Variants in ABTB3 observed in about 807,000 individuals in gnomAD.
ABTB3 encodes ankyrin repeat and BTB domain containing 3, also known as ankyrin repeat- and BTB/POZ domain-containing protein 3.
At chr12:107,652,858 A>G in the ABTB3 span, among the ~76,000 whole-genome samples, 1 of 152,360 alleles carries the variant, frequency 6.6e-6, no homozygotes, top group Middle Eastern at 3.4e-3. Context: ...CAGTTCCAGC[A>G]GGAAACAATA....
chr12:107,570,368 C>A, the ABTB3 span, among the ~76,000 whole-genome samples: 1 of 152,184 alleles, frequency 6.6e-6, no homozygotes, highest in African/African-American at 2.4e-5. Context: ...CACACGCCAC[C>A]ACACCCAGCT....
At chr12:107,600,536 A>G in the ABTB3 span, among the ~76,000 whole-genome samples, 2 of 152,202 alleles carry the variant, frequency 1.3e-5, no homozygotes, top group Admixed American at 6.5e-5. Context: ...AACCCAAACC[A>G]CAATTCCCAG....
At chr12:107,505,360 A>G in the ABTB3 span, among the ~76,000 whole-genome samples, 2 of 152,216 alleles carry the variant, frequency 1.3e-5, no homozygotes, top group Non-Finnish European at 2.9e-5. Context: ...ATAATTAAGC[A>G]GTGTGATTCT....
chr12:107,375,036 GAA>G, the ABTB3 span, among the ~76,000 whole-genome samples: 1 of 152,160 alleles, frequency 6.6e-6, no homozygotes, highest in African/African-American at 2.4e-5. Flanking sequence ...AACACACAGA[GAA>G]AACATTTAGC....
At chr12:107,583,759 A>G in the ABTB3 span, among the ~76,000 whole-genome samples, 1 of 152,220 alleles carries the variant, frequency 6.6e-6, no homozygotes, top group African/African-American at 2.4e-5. Flanking sequence ...TTGAAGCCTC[A>G]GCCCTGGCAT....
the ABTB3 span, among the ~76,000 whole-genome samples, chr12:107,407,393 CCAGGCT>C: frequency 5.9e-5 from 9 of 152,268 alleles, no homozygotes; most frequent in East Asian, 1.7e-3. Context: ...CTGAAATATT[CCAGGCT>C]CAGCTGGGCC....
At chr12:107,482,518 G>A in the ABTB3 span, among the ~76,000 whole-genome samples, 1 of 152,162 alleles carries the variant, frequency 6.6e-6, no homozygotes, top group East Asian at 1.9e-4. Context: ...GACAAGAAGA[G>A]CCCTGATCTA....
the ABTB3 span, among the ~76,000 whole-genome samples, chr12:107,325,539 A>G: frequency 2.7e-3 from 413 of 152,328 alleles, 3 homozygotes; most frequent in Non-Finnish European, 4.5e-3. Flanking sequence ...GGGCATTTGC[A>G]AGTTGGGTGT....
chr12:107,331,278 C>A, the ABTB3 span, among the ~76,000 whole-genome samples: 2 of 152,236 alleles, frequency 1.3e-5, no homozygotes, highest in African/African-American at 4.8e-5. Flanking sequence ...GCTGGGCTCA[C>A]CCTCGTGAGC....
chr12:107,508,612 G>T, the ABTB3 span, among the ~76,000 whole-genome samples: 1 of 151,578 alleles, frequency 6.6e-6, no homozygotes, highest in African/African-American at 2.4e-5. Flanking sequence ...GTGCCACCAT[G>T]CCCGGCCAAT....
chr12:107,435,445 G>T, the ABTB3 span, among the ~76,000 whole-genome samples: 1 of 152,190 alleles, frequency 6.6e-6, no homozygotes, highest in Non-Finnish European at 1.5e-5. Flanking sequence ...ATTTTGAAAT[G>T]ATCTTTATTC....
chr12:107,388,591 T>A, the ABTB3 span, among the ~76,000 whole-genome samples: 1 of 150,352 alleles, frequency 6.7e-6, no homozygotes, highest in Non-Finnish European at 1.5e-5. Flanking sequence ...TCTTCTTCCC[T>A]CTTCCTCTCT....
chr12:107,326,730 T>A, the ABTB3 span, among the ~76,000 whole-genome samples: 11 of 152,186 alleles, frequency 7.2e-5, no homozygotes, highest in African/African-American at 1.9e-4. Context: ...ACATATTATC[T>A]GCCACTCTGC....
chr12:107,378,486 C>T, the ABTB3 span, among the ~76,000 whole-genome samples: 1 of 152,218 alleles, frequency 6.6e-6, no homozygotes, highest in African/African-American at 2.4e-5. Context: ...GGATCTGAGG[C>T]TCTGGGAGCA....
the ABTB3 span, among the ~76,000 whole-genome samples, chr12:107,524,881 C>T: frequency 6.6e-6 from 1 of 152,214 alleles, no homozygotes; most frequent in African/African-American, 2.4e-5. Context: ...TTGCAATTTG[C>T]TCTGTAGGGT....
the ABTB3 span, among the ~76,000 whole-genome samples, chr12:107,458,767 C>G: frequency 6.6e-6 from 1 of 152,170 alleles, no homozygotes; most frequent in Non-Finnish European, 1.5e-5. Context: ...GTCCCCAGCT[C>G]TCCTCACCAC....
the ABTB3 span, chr12:107,640,476 T>C: frequency 9.1e-7 from 1 of 1,103,910 alleles, no homozygotes; most frequent in South Asian, 1.5e-5. Context: ...TTACTATTTT[T>C]TGAAGTTCAA....
the ABTB3 span, chr12:107,544,259 T>G: frequency 9.3e-7 from 1 of 1,076,900 alleles, no homozygotes; most frequent in East Asian, 2.6e-5. Context: ...CTTGCCAGAG[T>G]GGTCCCGGTG....
the ABTB3 span, among the ~76,000 whole-genome samples, chr12:107,612,241 C>T: frequency 4.1e-4 from 63 of 152,294 alleles, no homozygotes; most frequent in African/African-American, 1.4e-3. Context: ...TCCTGAAGGC[C>T]GTTCCTCATT....
Sources: allele counts gnomAD v4.1 joint callset (sites outside exome capture counted in the v4.1 genomes callset), GRCh38; gene constraint gnomAD v4.1.1; transcripts MANE v1.5; gene names NCBI Gene and HGNC (gene_info 2026-07-23, HGNC 2026-07-21).